The following CCDC171 variants were observed in gnomAD, a reference collection of about 807,000 sequenced individuals.
The protein encoded by CCDC171 is coiled-coil domain containing 171, also known as coiled-coil domain-containing protein 171.
Under a neutral mutation model 168.2 loss-of-function variants are expected in CCDC171, and 177 were observed. That is an observed-to-expected ratio of 1.05 (90% CI 0.93 to 1.19). The LOEUF is 1.19. Ranked by LOEUF, CCDC171 falls within the 50% of genes most tolerant of loss-of-function variation. The pLI is 0.00. For missense variants in CCDC171, 1,991 were observed against 1,539.0 expected, an observed-to-expected ratio of 1.29 and a Z score of -4.91; for synonymous variants, 687 against 540.8, an observed-to-expected ratio of 1.27 and a Z score of -3.75.
chr9:15,598,731 C>G (rs908114245), intron 6 of CCDC171, among the ~76,000 whole-genome samples: 1 of 152,074 alleles, frequency 6.6e-6, no homozygotes, highest in South Asian at 2.1e-4. Flanking sequence ...ATTGATCTGT[C>G]TAATGTTGAC....
At chr9:16,061,692 A>T (rs1833932761), downstream of CCDC171, 1 of 152,224 alleles carries the variant, frequency 6.6e-6, no homozygotes, top group African/African-American at 2.4e-5. Context: ...AACTATGCTA[A>T]GCACTTTATA....
chr9:15,669,905 C>T (rs2048985580), intron 9 of CCDC171, among the ~76,000 whole-genome samples: 1 of 142,448 alleles, frequency 7.0e-6, no homozygotes, highest in African/African-American at 2.6e-5. Flanking sequence ...CCAAAGATGG[C>T]TATTTGTTAA....
At chr9:15,952,080 C>G (rs1186745052) in intron 25 of CCDC171, among the ~76,000 whole-genome samples, 3 of 152,136 alleles carry the variant, frequency 2.0e-5, no homozygotes, top group Non-Finnish European at 4.4e-5. Flanking sequence ...ACTTCTTCAA[C>G]TTCATTCTTT....
intron 24 of CCDC171, chr9:15,886,051 A>G (rs1819353800): frequency 6.6e-6 from 1 of 152,180 alleles, no homozygotes; most frequent in African/African-American, 2.4e-5. Flanking sequence ...AGTTTTAAAA[A>G]TATTTTATTT....
At chr9:15,836,794 T>G (rs2060470321) in intron 21 of CCDC171, among the ~76,000 whole-genome samples, 1 of 152,222 alleles carries the variant, frequency 6.6e-6, no homozygotes. Context: ...ATATATAATC[T>G]TCTTTCCAGA....
intron 18 of CCDC171, among the ~76,000 whole-genome samples, chr9:15,768,467 G>A (rs922757922): frequency 2.6e-5 from 4 of 151,940 alleles, no homozygotes; most frequent in African/African-American, 9.7e-5. Flanking sequence ...GGGTATCCAC[G>A]AGCCCACTCT....
intron 3 of CCDC171, among the ~76,000 whole-genome samples, chr9:15,985,697 C>G (rs907641536): frequency 9.2e-5 from 14 of 152,200 alleles, no homozygotes; most frequent in South Asian, 4.1e-4. Flanking sequence ...TGTAGAATAA[C>G]TGACCACCCA....
chr9:16,058,322 A>G (rs1443882389), intron 1 of CCDC171, among the ~76,000 whole-genome samples: 2 of 151,738 alleles, frequency 1.3e-5, no homozygotes, highest in Non-Finnish European at 2.9e-5. Context: ...TCCTCTCATC[A>G]TCCACCGTGA....
intron 2 of CCDC171, among the ~76,000 whole-genome samples, chr9:15,567,206 G>A (rs1394988158): frequency 6.6e-6 from 1 of 152,016 alleles, no homozygotes. Context: ...ATTTTTAGTA[G>A]AGACGGGGTT....
At chr9:15,897,522 A>G (rs78542966) in intron 24 of CCDC171, among the ~76,000 whole-genome samples, 1,833 of 152,224 alleles carry the variant, frequency 0.012, 37 homozygotes, top group African/African-American at 0.042. Flanking sequence ...CCAAGAAAAT[A>G]TCATTTGAAG....
intron 4 of CCDC171, among the ~76,000 whole-genome samples, chr9:15,584,333 T>G (rs1232765267): frequency 6.6e-6 from 1 of 152,180 alleles, no homozygotes; most frequent in Admixed American, 6.5e-5. Context: ...AAACACAGGT[T>G]AACAAGAGAA....
chr9:16,018,092 C>T lies in CCDC171; in HGVS notation n.369-2497C>T, dbSNP rs539977300. On this transcript the variant is annotated intron_variant and non_coding_transcript_variant, in intron 3 of 9. Transcript: ENST00000486641. ...AGTTTTAAGATTTTTTTAGCTTCTA[C>T]AGTGCAGGAAGACCCCTGAGAAGGC... Among the ~76,000 whole-genome samples the T allele has an allele frequency of 3.9e-5, 6 of 152,228 alleles. No individual in the cohort carries two copies. In the South Asian group the frequency reaches 1.0e-3, roughly 26 times the overall value.
chr9:15,812,784 A>G (rs1011545345), intron 21 of CCDC171, among the ~76,000 whole-genome samples: 1 of 152,176 alleles, frequency 6.6e-6, no homozygotes, highest in Non-Finnish European at 1.5e-5. Flanking sequence ...AGTGACTGCT[A>G]CTTGTTGCCC....
At chr9:15,924,557 T>C (rs1488299428) in intron 25 of CCDC171, among the ~76,000 whole-genome samples, 1 of 151,562 alleles carries the variant, frequency 6.6e-6, no homozygotes, top group Non-Finnish European at 1.5e-5. Flanking sequence ...ACAAATTTCA[T>C]CATTTTATCC....
chr9:16,096,531 T>C, the CCDC171 span, among the ~76,000 whole-genome samples: 16 of 152,250 alleles, frequency 1.1e-4, no homozygotes, highest in African/African-American at 3.9e-4. Context: ...TGCTTTATCC[T>C]GCCGTGTGTC....
chr9:16,001,957 C>T (rs1832559252), intron 3 of CCDC171, among the ~76,000 whole-genome samples: 1 of 151,378 alleles, frequency 6.6e-6, no homozygotes, highest in Non-Finnish European at 1.5e-5. Context: ...CCCACCTCAG[C>T]CTCCGAGTAG....
At chr9:16,085,282 A>G in the CCDC171 span, among the ~76,000 whole-genome samples, 1 of 152,250 alleles carries the variant, frequency 6.6e-6, no homozygotes, top group Non-Finnish European at 1.5e-5. Flanking sequence ...TATAAGCAGT[A>G]ATGTTTTAAT....
chr9:15,557,309 T>C (rs1263872621), intron 1 of CCDC171, among the ~76,000 whole-genome samples: 3 of 152,178 alleles, frequency 2.0e-5, no homozygotes, highest in Non-Finnish European at 4.4e-5. Flanking sequence ...GGGATGGCAC[T>C]GAATCTATAA....
intron 6 of CCDC171, among the ~76,000 whole-genome samples, chr9:15,610,472 A>C (rs1046444276): frequency 2.8e-5 from 4 of 141,706 alleles, no homozygotes; most frequent in South Asian, 2.3e-4. Flanking sequence ...AAAAAAAAAA[A>C]AAAAAAAAAC....
Sources: gnomAD v4.1 joint callset for allele counts (sites outside exome capture counted in the v4.1 genomes callset) on GRCh38, gnomAD v4.1.1 for gene constraint, MANE v1.5 for transcripts, NCBI Gene and HGNC (gene_info 2026-07-23, HGNC 2026-07-21) for gene names.